The following AGAP1 variants were observed in gnomAD, a reference collection of about 807,000 sequenced individuals.
AGAP1 encodes ArfGAP with GTPase domain, ankyrin repeat and PH domain 1, also known as arf-GAP with GTPase, ANK repeat and PH domain-containing protein 1.
A neutral mutation model predicts 105.3 loss-of-function variants in AGAP1; 29 were observed. The ratio of observed to expected loss-of-function variants is 0.28; its 90% CI spans 0.21 to 0.38. AGAP1 has a LOEUF of 0.38. Among genes scored for constraint, AGAP1 ranks in the 10% least tolerant of loss-of-function variants. The probability of loss-of-function intolerance (pLI) is 1.00; values close to 1 mark genes in which losing one functional copy is unlikely to be tolerated. For missense variants in AGAP1, 998 were observed against 1,165.1 expected, an observed-to-expected ratio of 0.86 and a Z score of 2.09; for synonymous variants, 509 against 485.9, an observed-to-expected ratio of 1.05 and a Z score of -0.63.
At chr2:235,996,017 G>A (rs1019620634) in intron 13 of AGAP1, among the ~76,000 whole-genome samples, 2 of 152,178 alleles carry the variant, frequency 1.3e-5, no homozygotes, top group Admixed American at 6.5e-5. Context: ...ATTTGGATGT[G>A]TAAGCCCAAG....
Position 235,509,031 on chromosome 2 carries a change from G to A in AGAP1, c.163+14182G>A, listed in dbSNP as rs141366085. 4.7e-4 allele frequency among the ~76,000 whole-genome samples: 71 copies of A among 152,334 alleles called. 1 individual carries two copies. The East Asian group carries it at 0.012, about 27-fold the overall frequency. On this transcript the variant is annotated intron_variant, in intron 1 of 17. Transcript: ENST00000304032. ...CTTCCCACTCACTGGCATCCTAGCC[G>A]TGTGGGGTGTGTGCTCACCTGCAGC...
chr2:235,670,250 C>T (rs1483126862), intron 1 of AGAP1: 3 of 534,170 alleles, frequency 5.6e-6, no homozygotes, highest in Non-Finnish European at 1.0e-5. Flanking sequence ...CGGCCCGGAC[C>T]CACGCCCGGT....
intron 1 of AGAP1, among the ~76,000 whole-genome samples, chr2:235,603,243 A>G (rs147547413): frequency 0.097 from 14,820 of 152,176 alleles, 939 homozygotes; most frequent in Non-Finnish European, 0.13. Context: ...GCCGCCATGT[A>G]AGATGTGCCT....
rs1948087118 is a variant in AGAP1 at position 235,665,171 on chromosome 2, C to T, written c.164-44008C>T. On this transcript the variant is annotated intron_variant, in intron 1 of 17. Coordinates refer to ENST00000304032, the MANE Select transcript of AGAP1 (RefSeq NM_001037131.3). The surrounding 1 kb of genome is among the most constrained non-coding windows in gnomAD (Gnocchi z 5.3). Reference sequence around the variant, plus strand: ...GTTCAAGGCTGTAGTGAGCTATGATCTTGCCACTGCACTCTAGCCTGTCTG... The same window carrying T: ...GTTCAAGGCTGTAGTGAGCTATGATTTTGCCACTGCACTCTAGCCTGTCTG... Among the ~76,000 whole-genome samples the T allele has an allele frequency of 6.6e-6, 1 of 152,174 alleles. No individual in the cohort carries two copies. The highest frequency in any genetic ancestry group is 1.5e-5 in the Non-Finnish European group (1 of 68,034).
At chr2:235,761,781 T>C (rs1197894057) in intron 6 of AGAP1, among the ~76,000 whole-genome samples, 1 of 145,644 alleles carries the variant, frequency 6.9e-6, no homozygotes, top group Non-Finnish European at 1.5e-5. Flanking sequence ...TCCAGTTATT[T>C]TGAAGTTTTT....
chr2:236,017,161 C>T (rs1472346660), intron 13 of AGAP1, among the ~76,000 whole-genome samples: 1 of 151,696 alleles, frequency 6.6e-6, no homozygotes, highest in East Asian at 1.9e-4. Context: ...AGCATAGTGG[C>T]GAGCACCTGT....
At chr2:235,507,102 C>G (rs564650084) in intron 1 of AGAP1, 2 of 152,822 alleles carry the variant, frequency 1.3e-5, no homozygotes, top group Non-Finnish European at 2.9e-5. Flanking sequence ...TGAGTCGTCT[C>G]TTTAATGCTG....
At chr2:235,510,355 T>C (rs1379084339) in intron 1 of AGAP1, among the ~76,000 whole-genome samples, 1 of 152,240 alleles carries the variant, frequency 6.6e-6, no homozygotes, top group East Asian at 1.9e-4. Context: ...TTTAGGGTCA[T>C]TCAAGTTGTT....
rs762079962 is a variant in AGAP1, at chr2:236,128,875, C to T, written c.*4753C>T. 8 of 152,220 alleles carry T rather than the reference C, an allele frequency of 5.3e-5. No homozygotes were observed. Among genetic ancestry groups the T allele is most frequent in the African/African-American group, 1.9e-4 (8 of 41,460 alleles). 9.4% of individuals were successfully genotyped at this position (152,220 alleles called of 1,614,324 possible). A position where few individuals can be genotyped will look rare whatever the true frequency, so the allele number is the denominator to read the frequency against. On this transcript the variant is annotated 3_prime_UTR_variant, in exon 18 of 18. Transcript: ENST00000304032. This position sits in a 1 kb window ranked among gnomAD's most constrained non-coding sequence, Gnocchi z 5.9. Reference sequence around the variant, plus strand: ...CCGTCCCTCACCGCCTGCACAAGGTCGTTGAGACTTTTCTAGAACTCCCCG... The same window carrying T: ...CCGTCCCTCACCGCCTGCACAAGGTTGTTGAGACTTTTCTAGAACTCCCCG...
intron 12 of AGAP1, among the ~76,000 whole-genome samples, chr2:235,966,136 G>T (rs563005709): frequency 4.1e-5 from 6 of 147,128 alleles, no homozygotes; most frequent in African/African-American, 1.5e-4. Flanking sequence ...CCTTTCCTCT[G>T]GGGATGGAGG....
At chr2:235,661,330 C>T (rs754541913) in intron 1 of AGAP1, among the ~76,000 whole-genome samples, 34 of 152,160 alleles carry the variant, frequency 2.2e-4, no homozygotes, top group Non-Finnish European at 4.0e-4. Context: ...TTTCCTCTGC[C>T]GCCTGAAGGA....
In AGAP1 at chr2:235,664,693, G is replaced by T. The variant is rs1007961244; in HGVS notation, c.164-44486G>T. On this transcript the variant is annotated intron_variant, in intron 1 of 17. Transcript: ENST00000304032. This position sits in a 1 kb window ranked among gnomAD's most constrained non-coding sequence, Gnocchi z 5.7. ...CTGTTTAAGTGGAAATGAAGTCTCA[G>T]TGTGGGGTCCGATGCTTCCTATGGC... Among the ~76,000 whole-genome samples the T allele has an allele frequency of 5.9e-5, 9 of 152,236 alleles. No individual in the cohort carries two copies. Among genetic ancestry groups the T allele is most frequent in the African/African-American group, 2.2e-4 (9 of 41,458 alleles).
chr2:235,553,968 C>G lies in AGAP1; in HGVS notation c.163+59119C>G, dbSNP rs1257961515. ...CCTCTGAGGTCAGCCCTCCTGGACCCCTTACTGGGTGGACAAAGGTTTTCT... is the reference window on the plus strand; with the variant it reads ...CCTCTGAGGTCAGCCCTCCTGGACCGCTTACTGGGTGGACAAAGGTTTTCT... On this transcript the variant is annotated intron_variant, in intron 1 of 17. Transcript: ENST00000304032. The surrounding 1 kb of genome is among the most constrained non-coding windows in gnomAD (Gnocchi z 4.5). 6.6e-6 allele frequency among the ~76,000 whole-genome samples: 1 copy of G among 152,224 alleles called. No homozygotes were observed. Among genetic ancestry groups the G allele is most frequent in the Non-Finnish European group, 1.5e-5 (1 of 68,042 alleles).
In AGAP1 at chr2:235,612,996, T is replaced by C. The variant is rs1946186992; in HGVS notation, c.164-96183T>C. On this transcript the variant is annotated intron_variant, in intron 1 of 17. Coordinates refer to ENST00000304032, the MANE Select transcript of AGAP1 (RefSeq NM_001037131.3). This position sits in a 1 kb window ranked among gnomAD's most constrained non-coding sequence, Gnocchi z 4.3. ...GTGAGGTTAGCAAATACGTATAGAT[T>C]GTAACAAGAGAATTTTGCATTTCAG... is the stretch of plus-strand genomic sequence containing the variant. Among the ~76,000 whole-genome samples the C allele has an allele frequency of 6.6e-6, 1 of 152,096 alleles. No individual in the cohort carries two copies. Among genetic ancestry groups the C allele is most frequent in the African/African-American group, 2.4e-5 (1 of 41,404 alleles).
Position 235,797,813 on chromosome 2 carries a change from G to A in AGAP1, c.728G>A (p.Cys243Tyr). The A allele has an allele frequency of 3.7e-6, 6 of 1,614,198 alleles. No homozygotes were observed. Among genetic ancestry groups the A allele is most frequent in the Non-Finnish European group, 5.1e-6 (6 of 1,180,040 alleles). ...RKKQQLSIGP[C>Y]KSLPNSPSHS... ...AAGCAGCAGCTGTCCATAGGACCCT[G>A]CAAGTCGCTACCTAATTCTCCCAGC... Residue 243 changes from cysteine (C) to tyrosine (Y), a missense_variant, in exon 7 of 18, where the codon TGC becomes TAC. Cys to Tyr is a radical substitution (Grantham distance 194). Transcript: ENST00000304032.
rs1416864984 is a variant in AGAP1 at position 235,587,990 on chromosome 2, G to C, written c.163+93141G>C. Among the ~76,000 whole-genome samples, 5 of 152,254 alleles carry C rather than the reference G, an allele frequency of 3.3e-5. 1 individual carries two copies. Among genetic ancestry groups the C allele is most frequent in the African/African-American group, 1.2e-4 (5 of 41,562 alleles). On this transcript the variant is annotated intron_variant, in intron 1 of 17. Coordinates refer to ENST00000304032, the MANE Select transcript of AGAP1 (RefSeq NM_001037131.3). ...CACGCCTGTAATCCCAGCACTTTGGGAGGCCGACATGCGTGGATCACCTGA... is the reference window on the plus strand; with the variant it reads ...CACGCCTGTAATCCCAGCACTTTGGCAGGCCGACATGCGTGGATCACCTGA...
chr2:235,926,890 C>T (rs2125131573), intron 11 of AGAP1, among the ~76,000 whole-genome samples: 1 of 152,294 alleles, frequency 6.6e-6, no homozygotes, highest in African/African-American at 2.4e-5. Flanking sequence ...TTCATAAACA[C>T]AGGCCCACAG....
chr2:235,757,574 A>G (rs922049049), intron 6 of AGAP1, among the ~76,000 whole-genome samples: 14 of 152,180 alleles, frequency 9.2e-5, no homozygotes, highest in East Asian at 5.8e-4. Context: ...GCTGCAGTTA[A>G]CATTCTGGAA....
At chr2:235,686,663 A>AT (rs1203340603) in intron 1 of AGAP1, among the ~76,000 whole-genome samples, 21 of 59,752 alleles carry the variant, frequency 3.5e-4, no homozygotes, top group Non-Finnish European at 4.7e-4. Flanking sequence ...ATATATATAT[A>AT]TATTTTTTTT....
Sources: allele counts gnomAD v4.1 joint callset (sites outside exome capture counted in the v4.1 genomes callset), GRCh38; gene constraint gnomAD v4.1.1; non-coding constraint Gnocchi (gnomAD v3.1); transcripts MANE v1.5; gene names NCBI Gene and HGNC (gene_info 2026-07-23, HGNC 2026-07-21).